Variants in DOCK4 observed in about 807,000 individuals in gnomAD.
DOCK4 encodes dedicator of cytokinesis 4.
A neutral mutation model predicts 268.1 loss-of-function variants in DOCK4; 97 were observed. The observed-to-expected ratio is 0.36, with a 90% confidence interval of 0.31 to 0.43. DOCK4 has a LOEUF of 0.43. Among genes scored for constraint, DOCK4 ranks in the 20% least tolerant of loss-of-function variants. DOCK4 has a pLI of 1.00. For missense variants in DOCK4, 2,145 were observed against 2,455.7 expected, an observed-to-expected ratio of 0.87 and a Z score of 2.67; for synonymous variants, 954 against 887.2, an observed-to-expected ratio of 1.08 and a Z score of -1.34.
intron 1 of DOCK4, among the ~76,000 whole-genome samples, chr7:112,016,227 A>G (rs570365527): frequency 6.6e-6 from 1 of 152,266 alleles, no homozygotes; most frequent in African/African-American, 2.4e-5. Flanking sequence ...TTTGTCTTTC[A>G]TGACTTTGGC....
intron 22 of DOCK4, among the ~76,000 whole-genome samples, chr7:111,867,702 T>C (rs999123290): frequency 6.6e-6 from 1 of 152,186 alleles, no homozygotes; most frequent in Non-Finnish European, 1.5e-5. Context: ...GGTGACAGCA[T>C]GTCCAGTCGT....
At chr7:111,985,783 A>G (rs1799006428) in intron 6 of DOCK4, among the ~76,000 whole-genome samples, 1 of 152,190 alleles carries the variant, frequency 6.6e-6, no homozygotes, top group Non-Finnish European at 1.5e-5. Context: ...ATTTGTTTTC[A>G]AAATGTCCAT....
At chr7:111,877,817 T>C (rs1288263317) in intron 16 of DOCK4, among the ~76,000 whole-genome samples, 1 of 152,220 alleles carries the variant, frequency 6.6e-6, no homozygotes, top group African/African-American at 2.4e-5. Flanking sequence ...TCAAGGATTG[T>C]TGCTTAGTGC....
At chr7:112,082,968 C>A (rs1451698195) in intron 1 of DOCK4, among the ~76,000 whole-genome samples, 1 of 152,020 alleles carries the variant, frequency 6.6e-6, no homozygotes, top group African/African-American at 2.4e-5. Flanking sequence ...TGGAGATGGT[C>A]AATTTAAAGT....
At chr7:111,871,930 C>A (rs978883278) in intron 20 of DOCK4, 60 bp downstream of exon 20, 12 of 1,368,592 alleles carry the variant, frequency 8.8e-6, no homozygotes, top group African/African-American at 1.5e-5. Context: ...ATCGCCTCTT[C>A]TGCTGAGAAA....
At chr7:112,150,667 T>C (rs565272957) in intron 1 of DOCK4, among the ~76,000 whole-genome samples, 2 of 152,188 alleles carry the variant, frequency 1.3e-5, no homozygotes, top group Admixed American at 1.3e-4. Context: ...ATCCTTTTCT[T>C]CCAGTTTTGA....
intron 1 of DOCK4, among the ~76,000 whole-genome samples, chr7:112,205,411 G>T (rs945891594): frequency 3.3e-5 from 5 of 152,092 alleles, no homozygotes; most frequent in African/African-American, 7.2e-5. Flanking sequence ...AAACACTGCT[G>T]AAATACCCGT....
intron 42 of DOCK4, among the ~76,000 whole-genome samples, chr7:111,753,007 G>C (rs1796782518): frequency 6.8e-6 from 1 of 146,112 alleles, no homozygotes; most frequent in African/African-American, 2.5e-5. Flanking sequence ...TAAGCTATTG[G>C]GGGGGGGGTC....
At chr7:111,919,944 G>A (rs921188909) in intron 12 of DOCK4, among the ~76,000 whole-genome samples, 1 of 152,166 alleles carries the variant, frequency 6.6e-6, no homozygotes, top group Non-Finnish European at 1.5e-5. Context: ...TAATTGTCAT[G>A]ACCACAACCA....
chr7:111,842,184 ACT>A (rs1414289947), intron 25 of DOCK4, among the ~76,000 whole-genome samples: 3 of 152,016 alleles, frequency 2.0e-5, no homozygotes, highest in Non-Finnish European at 4.4e-5. Context: ...ACAGAAAAAG[ACT>A]CTGACAGGAG....
At chr7:111,889,970 C>T (rs1808158173) in intron 16 of DOCK4, among the ~76,000 whole-genome samples, 1 of 152,192 alleles carries the variant, frequency 6.6e-6, no homozygotes, top group African/African-American at 2.4e-5. Context: ...GATGAATTTA[C>T]AAAACCCCAA....
chr7:111,971,798 CG>C, intron 8 of DOCK4: 1 of 299,546 alleles, frequency 3.3e-6, no homozygotes, highest in Non-Finnish European at 6.3e-6. Context: ...CAGCCACTTA[CG>C]GGGGATGGCT....
At chr7:111,843,278 C>T (rs1803839961) in intron 25 of DOCK4, among the ~76,000 whole-genome samples, 1 of 152,058 alleles carries the variant, frequency 6.6e-6, no homozygotes, top group South Asian at 2.1e-4. Context: ...AAAATTTTTG[C>T]TCTGCAAAGC....
At chr7:111,851,770 G>C (rs544663963) in intron 23 of DOCK4, among the ~76,000 whole-genome samples, 4 of 151,966 alleles carry the variant, frequency 2.6e-5, no homozygotes, top group African/African-American at 4.8e-5. Flanking sequence ...ATTGTTTTAC[G>C]GATCATATTA....
chr7:111,941,944 C>A (rs138155863), intron 10 of DOCK4, among the ~76,000 whole-genome samples: 123 of 152,318 alleles, frequency 8.1e-4, no homozygotes, highest in African/African-American at 2.9e-3. Context: ...TGACTCATGT[C>A]TTCAAACATG....
intron 1 of DOCK4, among the ~76,000 whole-genome samples, chr7:112,100,968 C>A (rs927557635): frequency 2.6e-5 from 4 of 152,050 alleles, no homozygotes; most frequent in Admixed American, 2.6e-4. Flanking sequence ...ACTTAAATAA[C>A]CAAGTGAACA....
intron 1 of DOCK4, among the ~76,000 whole-genome samples, chr7:112,119,001 A>G (rs1161773118): frequency 6.6e-6 from 1 of 152,174 alleles, no homozygotes; most frequent in South Asian, 2.1e-4. Flanking sequence ...TTGTGTATCT[A>G]TGTGAAAAAA....
At chr7:112,078,983 C>T (rs1586779018) in intron 1 of DOCK4, among the ~76,000 whole-genome samples, 1 of 151,944 alleles carries the variant, frequency 6.6e-6, no homozygotes. Flanking sequence ...AAAAATTAGC[C>T]GGGTATGGTG....
chr7:111,755,686 C>A (rs1796974467), intron 41 of DOCK4, 85 bp from the exon 42 acceptor site: 21 of 1,234,024 alleles, frequency 1.7e-5, no homozygotes, highest in Non-Finnish European at 2.2e-5. Flanking sequence ...GTCACTGTTA[C>A]CAGGCTTTGC....
Sources: gnomAD v4.1 joint callset for allele counts (sites outside exome capture counted in the v4.1 genomes callset) on GRCh38, gnomAD v4.1.1 for gene constraint, MANE v1.5 for transcripts, NCBI Gene and HGNC (gene_info 2026-07-23, HGNC 2026-07-21) for gene names.